The following KRCC1 variants were observed in gnomAD, a reference collection of about 807,000 sequenced individuals.
KRCC1 encodes the protein lysine-rich coiled-coil protein 1.
KRCC1 carries 3 observed loss-of-function variants against 7.4 expected under a neutral mutation model. The observed-to-expected ratio is 0.40, with a 90% CI of 0.18 to 1.04. KRCC1 has a LOEUF of 1.04. KRCC1 is among the 50% of genes least tolerant of loss of function. The pLI is 0.33. For synonymous variants in KRCC1, 102 were observed against 101.6 expected, an observed-to-expected ratio of 1.00 and a Z score of -0.02; for missense variants, 277 against 300.9, an observed-to-expected ratio of 0.92 and a Z score of 0.59.
intron 1 of KRCC1, among the ~76,000 whole-genome samples, chr2:88,051,096 A>ATT (rs557946792): frequency 3.7e-4 from 53 of 143,414 alleles, no homozygotes; most frequent in African/African-American, 9.4e-4. Flanking sequence ...GCTAATTTTT[A>ATT]TTTTTTTTTT....
chr2:88,033,196 T>C (rs1673028386), intron 3 of KRCC1, among the ~76,000 whole-genome samples: 2 of 152,138 alleles, frequency 1.3e-5, no homozygotes, highest in Non-Finnish European at 1.5e-5. Flanking sequence ...CAGTTTATTA[T>C]ATGCTAACTA....
intron 1 of KRCC1, among the ~76,000 whole-genome samples, chr2:88,049,517 A>G (rs1673421071): frequency 6.6e-6 from 1 of 152,164 alleles, no homozygotes; most frequent in Non-Finnish European, 1.5e-5. Context: ...GCATGGTGGC[A>G]TGTGCCCATA....
chr2:88,029,076 T>A (rs1263655699), intron 3 of KRCC1, among the ~76,000 whole-genome samples: 1 of 152,162 alleles, frequency 6.6e-6, no homozygotes, highest in Non-Finnish European at 1.5e-5. Context: ...GTCAGATACC[T>A]CCCAGGTCAC....
intron 3 of KRCC1, among the ~76,000 whole-genome samples, chr2:88,031,844 T>A (rs1186824207): frequency 6.6e-6 from 1 of 151,944 alleles, no homozygotes; most frequent in Non-Finnish European, 1.5e-5. Flanking sequence ...GAAAAATTTT[T>A]AAAAATAAAT....
chr2:88,030,725 A>T (rs1023874674), intron 3 of KRCC1, among the ~76,000 whole-genome samples: 3 of 152,228 alleles, frequency 2.0e-5, no homozygotes, highest in Non-Finnish European at 1.5e-5. Context: ...CTTGAAAAAC[A>T]GTTTGGCAGT....
At chr2:88,042,413 A>T (rs1473034262) in intron 1 of KRCC1, among the ~76,000 whole-genome samples, 1 of 106,712 alleles carries the variant, frequency 9.4e-6, no homozygotes. Context: ...TTGACTGCCC[A>T]CCCCCACCCC....
Position 88,028,550 on chromosome 2 carries a change from T to C in KRCC1, c.14A>G (p.Lys5Arg). The change falls in exon 4 of 4, where the codon AAG (lysine) becomes AGG (arginine). Residue 5 changes from lysine to arginine, a missense_variant. Lys to Arg is a conservative substitution (Grantham distance 26, BLOSUM62 2). Transcript: ENST00000347055. MKHS[K>R]KTYDSFQDEL... is the part of the protein sequence containing the mutation. ...ATCTTGAAAAGAGTCATATGTCTTC[T>C]TTGAATGCTTCATTAGGTTGACAAA... is the stretch of plus-strand genomic sequence containing the variant. 6.2e-7 allele frequency: 1 copy of C among 1,609,296 alleles called. No homozygotes were observed. Among genetic ancestry groups the C allele is most frequent in the Non-Finnish European group, 8.5e-7 (1 of 1,178,560 alleles).
intron 2 of KRCC1, among the ~76,000 whole-genome samples, 174 bp from the exon 3 acceptor site, chr2:88,034,466 T>C (rs1673053397): frequency 6.6e-6 from 1 of 152,202 alleles, no homozygotes; most frequent in Admixed American, 6.5e-5. Context: ...TACTTTATTT[T>C]TATAACAATA....
At chr2:88,053,366 T>C (rs1287818122) in intron 1 of KRCC1, among the ~76,000 whole-genome samples, 1 of 149,878 alleles carries the variant, frequency 6.7e-6, no homozygotes, top group Admixed American at 6.6e-5. Context: ...TTTGCACATA[T>C]TTAAAGTCAT....
chr2:88,036,747 A>G (rs1484720347), intron 2 of KRCC1, among the ~76,000 whole-genome samples, 196 bp downstream of exon 2: 2 of 152,208 alleles, frequency 1.3e-5, no homozygotes, highest in Non-Finnish European at 1.5e-5. Flanking sequence ...AAAGAAAATG[A>G]GCTTCAGAAT....
intron 1 of KRCC1, among the ~76,000 whole-genome samples, chr2:88,046,997 T>A (rs986794150): frequency 6.6e-6 from 1 of 152,100 alleles, no homozygotes; most frequent in African/African-American, 2.4e-5. Flanking sequence ...AGTAAAAATA[T>A]GTAAAACCAC....
intron 1 of KRCC1, among the ~76,000 whole-genome samples, 200 bp downstream of exon 1, chr2:88,055,426 G>A (rs1215824096): frequency 2.0e-5 from 3 of 151,706 alleles, no homozygotes; most frequent in Non-Finnish European, 4.4e-5. Flanking sequence ...CCTTCCCTCC[G>A]CACTCCACTC....
At chr2:88,035,377 G>A (rs1293164334) in intron 2 of KRCC1, among the ~76,000 whole-genome samples, 2 of 152,190 alleles carry the variant, frequency 1.3e-5, no homozygotes, top group African/African-American at 4.8e-5. Flanking sequence ...AAGCTGAAGT[G>A]TTGTGTAGGA....
chr2:88,029,560 A>G (rs80060134), intron 3 of KRCC1, among the ~76,000 whole-genome samples: 3,284 of 152,140 alleles, frequency 0.022, 214 homozygotes, highest in East Asian at 0.13. Context: ...TGGTGAAAAA[A>G]GCATTCTAGA....
rs746015002 is a variant in KRCC1 at position 88,028,419 on chromosome 2, C to T, written c.145G>A (p.Glu49Lys). The part of the protein sequence containing the change: ...DYLETCGYKG[E>K]VNSRPTYRMF... ...CTATACGTGGGTCTGGAATTAACCTCTCCTTTGTACCCACAGGTTTCCAAA... is the reference window on the plus strand; with the variant it reads ...CTATACGTGGGTCTGGAATTAACCTTTCCTTTGTACCCACAGGTTTCCAAA... Residue 49 changes from glutamate to lysine, a missense_variant, in exon 4 of 4, where the codon GAG (glutamate) becomes AAG (lysine). By Grantham distance (56) the Glu-to-Lys change is moderately conservative. Coordinates refer to ENST00000347055, the MANE Select transcript of KRCC1 (RefSeq NM_016618.3). The T allele has an allele frequency of 6.2e-7, 1 of 1,614,160 alleles. No homozygotes were observed. Among genetic ancestry groups the T allele is most frequent in the Non-Finnish European group, 8.5e-7 (1 of 1,180,034 alleles).
chr2:88,028,113 C>T lies in KRCC1; in HGVS notation c.451G>A (p.Ala151Thr). ...SSDNSTSTHQ[A>T]SHKQIHQKRK... The stretch of plus-strand genomic sequence containing the variant: ...TTCTGATGTATCTGTTTGTGACTGG[C>T]TTGATGAGTACTGGTACTGTTATCT... Residue 151 changes from alanine (A) to threonine (T), a missense_variant, in exon 4 of 4, where the codon GCC (alanine) becomes ACC (threonine). Coordinates refer to ENST00000347055, the MANE Select transcript of KRCC1 (RefSeq NM_016618.3). 6.2e-7 allele frequency: 1 copy of T among 1,614,076 alleles called. No homozygotes were observed. The highest frequency in any genetic ancestry group is 1.3e-5 in the African/African-American group (1 of 74,994).
chr2:88,048,537 G>T (rs764823004), intron 1 of KRCC1, among the ~76,000 whole-genome samples: 17 of 152,122 alleles, frequency 1.1e-4, no homozygotes, highest in Non-Finnish European at 2.2e-4. Flanking sequence ...TACATATATA[G>T]AACTTGTACT....
intron 3 of KRCC1, 57 bp from the exon 4 acceptor site, chr2:88,028,642 C>A: frequency 4.4e-6 from 3 of 682,158 alleles, no homozygotes; most frequent in Non-Finnish European, 6.5e-6. Flanking sequence ...ATTTCCTTTG[C>A]TCTTTTTTTT....
At chr2:88,042,132 C>T (rs1673225110) in intron 1 of KRCC1, among the ~76,000 whole-genome samples, 1 of 149,408 alleles carries the variant, frequency 6.7e-6, no homozygotes, top group African/African-American at 2.5e-5. Context: ...ACAATCTCAG[C>T]TCACTGCAAG....
Sources: allele counts gnomAD v4.1 joint callset (sites outside exome capture counted in the v4.1 genomes callset), GRCh38; gene constraint gnomAD v4.1.1; transcripts MANE v1.5; gene names NCBI Gene and HGNC (gene_info 2026-07-23, HGNC 2026-07-21).